The following BAHD1 variants were observed in gnomAD, a reference collection of about 807,000 sequenced individuals.
BAHD1 encodes bromo adjacent homology domain-containing 1 protein.
Under a neutral mutation model 63.1 loss-of-function variants are expected in BAHD1, and 20 were observed. The observed-to-expected ratio is 0.32, with a 90% CI of 0.22 to 0.46. The LOEUF is 0.46. Among genes scored for constraint, BAHD1 ranks in the 20% least tolerant of loss-of-function variants. BAHD1 has a pLI of 1.00. For synonymous variants in BAHD1, 408 were observed against 426.8 expected (o/e 0.96, Z 0.54); for missense variants, 939 against 1,071.8 (o/e 0.88, Z 1.73).
chr15:40,438,544 G>A (rs1453288750), upstream of BAHD1, among the ~76,000 whole-genome samples: 1 of 152,134 alleles, frequency 6.6e-6, no homozygotes, highest in Non-Finnish European at 1.5e-5. Context: ...GCTCTGAGGG[G>A]AGAACTCCTC....
At position 40,451,345 on chromosome 15, in the gene BAHD1, TG is replaced by T. The variant is rs201744247; in HGVS notation, c.-14-7100del. On this transcript the variant is annotated intron_variant, in intron 1 of 6. Coordinates refer to ENST00000416165, the MANE Select transcript of BAHD1 (RefSeq NM_014952.5). ...ATATGTACCCTCTGAGAAGCTGCCTTGGGGGGACCCCTCAGCCAAGCTCTGA... is the reference window on the plus strand; with the variant it reads ...ATATGTACCCTCTGAGAAGCTGCCTTGGGGGACCCCTCAGCCAAGCTCTGA... Among the ~76,000 whole-genome samples the T allele has an allele frequency of 2.0e-4, 31 of 152,274 alleles. No homozygotes were observed. In the East Asian group the frequency reaches 5.6e-3, roughly 28 times the overall value.
intron 1 of BAHD1, among the ~76,000 whole-genome samples, chr15:40,451,700 T>TG (rs975095878): frequency 2.6e-5 from 4 of 152,024 alleles, no homozygotes; most frequent in African/African-American, 7.3e-5. Flanking sequence ...CCCTCTGCTG[T>TG]GGGGGGGCCA....
chr15:40,440,250 G>T (rs187199883), upstream of BAHD1, among the ~76,000 whole-genome samples: 36 of 152,268 alleles, frequency 2.4e-4, 1 homozygote, highest in East Asian at 6.9e-3. Context: ...GCGGGTGAGG[G>T]GTTACCGAGC....
At position 40,447,754 on chromosome 15, in the gene BAHD1, A is replaced by G. The variant is rs1893584708; in HGVS notation, c.-15+6486A>G. Among the ~76,000 whole-genome samples, 4 of 152,250 alleles carry G rather than the reference A, an allele frequency of 2.6e-5. No homozygotes were observed. The South Asian group carries it at 8.3e-4, about 32-fold the overall frequency. ...GATGACAGTTTAGAGCATGATGACCAGTTTTTAGTCTTCATTGCAGTCTGG... is the reference window on the plus strand; with the variant it reads ...GATGACAGTTTAGAGCATGATGACCGGTTTTTAGTCTTCATTGCAGTCTGG... On this transcript the variant is annotated intron_variant, in intron 1 of 6. Transcript: ENST00000416165.
In BAHD1 at chr15:40,459,129, C is replaced by T. The variant is rs148221385; in HGVS notation, c.665C>T (p.Pro222Leu). The stretch of plus-strand genomic sequence containing the variant: ...AAACTGAGCCAGGAGCGGGAGCTAC[C>T]CCTGCGGCTGCCTCGTGCCCATGCA... ...FLKLSQEREL[P>L]LRLPRAHAEV... Residue 222 changes from proline to leucine, a missense_variant, in exon 2 of 7, where the codon CCC (proline) becomes CTC (leucine). Pro to Leu is a moderately conservative substitution (Grantham distance 98, BLOSUM62 -3). This residue lies in a region of BAHD1 where 797 missense variants were observed against 813.3 expected (regional missense o/e 0.98). Coordinates refer to ENST00000416165, the MANE Select transcript of BAHD1 (RefSeq NM_014952.5). 3 of 1,613,028 alleles carry T rather than the reference C, an allele frequency of 1.9e-6. No individual in the cohort carries two copies. The African/African-American group carries it at 4.0e-5, about 22-fold the overall frequency.
In BAHD1 at chr15:40,465,985, G is replaced by A. The variant is rs760752830; in HGVS notation, c.2198G>A (p.Arg733Gln). 9.9e-6 allele frequency: 16 copies of A among 1,608,490 alleles called. No individual in the cohort carries two copies. Among genetic ancestry groups the A allele is most frequent in the South Asian group, 6.6e-5 (6 of 90,474 alleles). The change falls in exon 7 of 7, where the codon CGA (arginine) becomes CAA (glutamine). Residue 733 changes from arginine to glutamine, a missense_variant. By Grantham distance (43) the Arg-to-Gln change is conservative. Transcript: ENST00000416165. Reference sequence around the variant, plus strand: ...CGCCGAGGTGAAGGCCTCCCCAGCCGAAAGACAGCACTGGTTCCCCCCTCT... The same window carrying A: ...CGCCGAGGTGAAGGCCTCCCCAGCCAAAAGACAGCACTGGTTCCCCCCTCT... ...AKRRGEGLPS[R>Q]KTALVPPSAD...
chr15:40,440,285 A>T (rs530569373), upstream of BAHD1, among the ~76,000 whole-genome samples: 1 of 152,236 alleles, frequency 6.6e-6, no homozygotes, highest in South Asian at 2.1e-4. Flanking sequence ...CTGGAAAGGA[A>T]AGGAGACGTG....
intron 5 of BAHD1, 126 bp from the exon 6 acceptor site, chr15:40,465,209 T>C: frequency 1.3e-6 from 1 of 787,060 alleles, no homozygotes; most frequent in Non-Finnish European, 2.1e-6. Flanking sequence ...TTAGGCTGAA[T>C]TTCCAGGGAA....
intron 1 of BAHD1, among the ~76,000 whole-genome samples, chr15:40,457,168 C>T (rs1893873563): frequency 6.6e-6 from 1 of 152,234 alleles, no homozygotes; most frequent in African/African-American, 2.4e-5. Context: ...GCACGACTAA[C>T]AAGGCAGCTC....
intron 1 of BAHD1, among the ~76,000 whole-genome samples, chr15:40,445,268 A>C (rs924994528): frequency 4.0e-5 from 6 of 151,446 alleles, no homozygotes; most frequent in African/African-American, 1.2e-4. Context: ...AAAAAAAAAA[A>C]AAAAAAAACA....
Position 40,458,802 on chromosome 15 carries a change from A to G in BAHD1, c.338A>G (p.Gln113Arg), listed in dbSNP as rs761646925. The change falls in exon 2 of 7, where the codon CAG (glutamine) becomes CGG (arginine). Residue 113 changes from glutamine to arginine, a missense_variant. Coordinates refer to ENST00000416165, the MANE Select transcript of BAHD1 (RefSeq NM_014952.5). The surrounding 1 kb of genome is among the most constrained non-coding windows in gnomAD (Gnocchi z 4.7). ...APSSEDPGLAQPRKRRLASLN... is the reference protein window; with the variant it reads ...APSSEDPGLARPRKRRLASLN... The stretch of plus-strand genomic sequence containing the variant: ...TCCAGTGAAGACCCTGGCCTTGCCC[A>G]GCCCCGCAAGCGGCGCCTGGCCTCC... The G allele has an allele frequency of 1.2e-6, 2 of 1,612,792 alleles. No individual in the cohort carries two copies. The highest frequency in any genetic ancestry group is 1.7e-6 in the Non-Finnish European group (2 of 1,179,958).
upstream of BAHD1, among the ~76,000 whole-genome samples, chr15:40,438,471 C>T (rs1458757182): frequency 2.0e-5 from 3 of 152,158 alleles, no homozygotes; most frequent in African/African-American, 7.2e-5. Context: ...GCCCGTGTCC[C>T]CGCACCATAG....
At position 40,459,029 on chromosome 15, in the gene BAHD1, C is replaced by T; in HGVS notation, c.565C>T (p.Pro189Ser). The change falls in exon 2 of 7, where the codon CCC becomes TCC. Residue 189 changes from proline to serine, a missense_variant. Pro to Ser is a moderately conservative substitution (Grantham distance 74, BLOSUM62 -1). This residue lies in a region of BAHD1 where 797 missense variants were observed against 813.3 expected (regional missense o/e 0.98). Coordinates refer to ENST00000416165, the MANE Select transcript of BAHD1 (RefSeq NM_014952.5). The part of the protein sequence containing the change: ...GSRDLSPEPA[P>S]DEGPRRDGDP... ...TCGGGACCTGTCTCCAGAGCCAGCA[C>T]CCGATGAAGGTCCCCGCCGAGATGG... 1 of 1,599,038 alleles carries T rather than the reference C, an allele frequency of 6.3e-7. No individual in the cohort carries two copies. Among genetic ancestry groups the T allele is most frequent in the Non-Finnish European group, 8.5e-7 (1 of 1,171,402 alleles).
chr15:40,441,438 G>A (rs954231706), intron 1 of BAHD1, among the ~76,000 whole-genome samples, 170 bp downstream of exon 1: 3 of 150,006 alleles, frequency 2.0e-5, no homozygotes, highest in Non-Finnish European at 3.0e-5. Context: ...ACGGACGGAC[G>A]ACGCGAAGCA....
rs538681127 is a variant in BAHD1 at position 40,466,257 on chromosome 15, G to C, written c.*127G>C. 2,099 of 894,284 alleles carry C rather than the reference G, an allele frequency of 2.3e-3. 25 individuals are homozygous for C. The highest frequency in any genetic ancestry group is 3.1e-3 in the Admixed American group (99 of 32,032). The allele number at this position is 894,284 out of a possible 1,614,324, so 55.4% of individuals were successfully genotyped here. On this transcript the variant is annotated 3_prime_UTR_variant, in exon 7 of 7. Coordinates refer to ENST00000416165, the MANE Select transcript of BAHD1 (RefSeq NM_014952.5). ...AGTTTGCTGGCCTGTGGTTTTCTTG[G>C]GGGGGAGGGCAGGGGCCCCTGTGGG...
intron 1 of BAHD1, among the ~76,000 whole-genome samples, chr15:40,449,619 G>A (rs1345379457): frequency 2.6e-5 from 4 of 151,802 alleles, no homozygotes; most frequent in African/African-American, 9.7e-5. Context: ...GGGCAACATA[G>A]TGAGACCTTG....
chr15:40,464,194 T>C (rs1894136827), intron 4 of BAHD1, 174 bp downstream of exon 4: 1 of 817,404 alleles, frequency 1.2e-6, no homozygotes, highest in African/African-American at 1.7e-5. Flanking sequence ...GTGGGTGACC[T>C]TGTGGCTTGG....
chr15:40,458,427 C>G lies in BAHD1; in HGVS notation c.-14-24C>G. On this transcript the variant is annotated intron_variant, in intron 1 of 6. Coordinates refer to ENST00000416165, the MANE Select transcript of BAHD1 (RefSeq NM_014952.5). The surrounding 1 kb of genome is among the most constrained non-coding windows in gnomAD (Gnocchi z 4.7). ...GGAGCAGGCCAGAGAGGGCTTCTCTCATTGCCCACCTTCTGTCCTGCAGGT... is the reference window on the plus strand; with the variant it reads ...GGAGCAGGCCAGAGAGGGCTTCTCTGATTGCCCACCTTCTGTCCTGCAGGT... 1 of 1,529,674 alleles carries G rather than the reference C, an allele frequency of 6.5e-7. No homozygotes were observed. The highest frequency in any genetic ancestry group is 2.0e-5 in the Admixed American group (1 of 48,844). The allele number at this position is 1,529,674 out of a possible 1,614,324, so 94.8% of individuals were successfully genotyped here.
chr15:40,443,037 C>A (rs1265156047), intron 1 of BAHD1, among the ~76,000 whole-genome samples: 1 of 152,186 alleles, frequency 6.6e-6, no homozygotes, highest in Non-Finnish European at 1.5e-5. Flanking sequence ...CCCATGCCCT[C>A]CATGTGAACC....
Sources: gnomAD v4.1 joint callset for allele counts (sites outside exome capture counted in the v4.1 genomes callset) on GRCh38, gnomAD v4.1.1 for gene constraint, gnomAD v4.1.1 regional missense constraint, Gnocchi (gnomAD v3.1) non-coding constraint, MANE v1.5 for transcripts, NCBI Gene and HGNC (gene_info 2026-07-23, HGNC 2026-07-21) for gene names.